DPM1: variants seen among roughly 807,000 people sequenced by gnomAD.
The protein encoded by DPM1 is dolichyl-phosphate mannosyltransferase subunit 1, catalytic.
Under a neutral mutation model 39.0 loss-of-function variants are expected in DPM1, and 27 were observed. That is an observed-to-expected ratio of 0.69 (90% confidence interval 0.51 to 0.95). The LOEUF is 0.95. Ranked by LOEUF, DPM1 falls within the 40% of genes least tolerant of loss-of-function variation. DPM1 has a pLI of 0.00. For synonymous variants in DPM1, 124 were observed against 109.0 expected, an observed-to-expected ratio of 1.14 and a Z score of -0.86; for missense variants, 307 against 315.6, an observed-to-expected ratio of 0.97 and a Z score of 0.21.
intron 7 of DPM1, among the ~76,000 whole-genome samples, chr20:50,939,048 T>A (rs1403711289): frequency 6.6e-6 from 1 of 152,180 alleles, no homozygotes. Context: ...CTCTGTCATT[T>A]ATACAGAACA....
chr20:50,957,666 T>C (rs1350041488), intron 1 of DPM1, among the ~76,000 whole-genome samples: 1 of 152,244 alleles, frequency 6.6e-6, no homozygotes, highest in Admixed American at 6.5e-5. Context: ...ATTTGCTATG[T>C]TTGTACATGT....
intron 2 of DPM1, 148 bp downstream of exon 2, chr20:50,955,038 C>T (rs1383936530): frequency 4.3e-6 from 3 of 694,312 alleles, no homozygotes; most frequent in East Asian, 2.8e-5. Flanking sequence ...TTACGGACAA[C>T]AAAAATGCAT....
At chr20:50,938,452 G>A (rs1239260175) in intron 7 of DPM1, among the ~76,000 whole-genome samples, 2 of 150,406 alleles carry the variant, frequency 1.3e-5, no homozygotes, top group African/African-American at 4.9e-5. Flanking sequence ...GTGCAATCTC[G>A]GCTCACTGCA....
intron 8 of DPM1, 118 bp from the exon 9 acceptor site, chr20:50,935,354 G>GT: frequency 1.4e-6 from 1 of 700,632 alleles, no homozygotes; most frequent in Non-Finnish European, 2.6e-6. Flanking sequence ...GGTCCTTAAA[G>GT]TAAGTATAAA....
chr20:50,948,065 C>A (rs1326757372), intron 3 of DPM1, among the ~76,000 whole-genome samples: 1 of 152,186 alleles, frequency 6.6e-6, no homozygotes, highest in African/African-American at 2.4e-5. Context: ...ACTACATATT[C>A]CAGATTCTCT....
At chr20:50,951,801 AAT>A (rs1323896031) in intron 2 of DPM1, among the ~76,000 whole-genome samples, 6 of 146,658 alleles carry the variant, frequency 4.1e-5, no homozygotes, top group African/African-American at 1.4e-4. Context: ...AAAAAAAATA[AAT>A]AAATAAATAA....
At position 50,948,624 on chromosome 20, in the gene DPM1, C is replaced by T; in HGVS notation, c.295+5G>A. ...GTGTGAGGGGTTAGAGATTACACGA[C>T]TTACCTAGTCCCAACTTTTTCTCTC... On this transcript the variant is annotated splice_donor_5th_base_variant and intron_variant, in intron 3 of 8. Transcript: ENST00000371588. 1 of 1,613,896 alleles carries T rather than the reference C, an allele frequency of 6.2e-7. No individual in the cohort carries two copies.
intron 6 of DPM1, among the ~76,000 whole-genome samples, chr20:50,941,717 G>T (rs930806153): frequency 6.6e-6 from 1 of 151,988 alleles, no homozygotes; most frequent in Non-Finnish European, 1.5e-5. Context: ...ATAATTATGG[G>T]GAGAAACCCT....
At position 50,935,271 on chromosome 20, in the gene DPM1, A is replaced by G. The variant is rs752107965; in HGVS notation, c.679-35T>C. 2.2e-6 allele frequency: 3 copies of G among 1,351,158 alleles called. No homozygotes were observed. The Admixed American group carries it at 5.1e-5, about 23-fold the overall frequency. 83.7% of individuals were successfully genotyped at this position (1,351,158 alleles called of 1,614,324 possible). On this transcript the variant is annotated intron_variant, in intron 8 of 8. Coordinates refer to ENST00000371588, the MANE Select transcript of DPM1 (RefSeq NM_003859.3). Reference sequence around the variant, plus strand: ...AAAAAAAAAAGTAACGTTAGTCTTTAAAAACAATTAGGCAGCTTAGCCGGT... The same window carrying G: ...AAAAAAAAAAGTAACGTTAGTCTTTGAAAACAATTAGGCAGCTTAGCCGGT...
At chr20:50,942,232 G>C in intron 5 of DPM1, 106 bp from the exon 6 acceptor site, 1 of 1,013,980 alleles carries the variant, frequency 9.9e-7, no homozygotes, top group African/African-American at 1.6e-5. Flanking sequence ...CACAGGCTGG[G>C]TGCAGTGGCT....
At chr20:50,946,413 G>A (rs572326917) in intron 3 of DPM1, among the ~76,000 whole-genome samples, 6 of 152,258 alleles carry the variant, frequency 3.9e-5, no homozygotes, top group Admixed American at 3.9e-4. Flanking sequence ...CACCTCTCCA[G>A]GAAAGGCACC....
At chr20:50,958,212 C>T (rs1379983689) in intron 1 of DPM1, 151 bp downstream of exon 1, 1 of 1,005,602 alleles carries the variant, frequency 9.9e-7, no homozygotes, top group Non-Finnish European at 1.5e-6. Flanking sequence ...GCATCCGCCT[C>T]TGCTTCCCTC....
intron 3 of DPM1, among the ~76,000 whole-genome samples, chr20:50,948,293 T>C (rs1348523735): frequency 1.3e-5 from 2 of 152,140 alleles, no homozygotes; most frequent in East Asian, 3.9e-4. Context: ...CTTCCTGCCG[T>C]TGCTCCATCC....
At chr20:50,935,307 A>G (rs1985055595) in intron 8 of DPM1, 71 bp from the exon 9 acceptor site, 1 of 898,680 alleles carries the variant, frequency 1.1e-6, no homozygotes, top group Non-Finnish European at 1.9e-6. Context: ...ATACCACATT[A>G]CCAACACAAC....
chr20:50,936,701 A>C (rs1250119075), intron 7 of DPM1, among the ~76,000 whole-genome samples: 1 of 152,226 alleles, frequency 6.6e-6, no homozygotes, highest in African/African-American at 2.4e-5. Flanking sequence ...CATAATTCAC[A>C]GTCATTTTCC....
chr20:50,953,747 TTA>T (rs1254698662), intron 2 of DPM1, among the ~76,000 whole-genome samples: 3 of 152,196 alleles, frequency 2.0e-5, no homozygotes, highest in Admixed American at 2.0e-4. Flanking sequence ...GGCTGAGGTT[TTA>T]TGACAAAAGT....
intron 6 of DPM1, chr20:50,941,254 ATATATATATAAAT>A (rs1568762542): frequency 1.2e-5 from 2 of 172,104 alleles, no homozygotes; most frequent in African/African-American, 2.8e-5. Flanking sequence ...ATATATATAT[ATATATATATAAAT>A]AAAATACATT....
At chr20:50,936,820 C>T (rs1179563990) in intron 7 of DPM1, among the ~76,000 whole-genome samples, 3 of 152,146 alleles carry the variant, frequency 2.0e-5, no homozygotes, top group East Asian at 1.9e-4. Context: ...AAAACAGGAA[C>T]GAGGCATCAC....
intron 1 of DPM1, among the ~76,000 whole-genome samples, chr20:50,957,085 C>A (rs1412839692): frequency 2.0e-5 from 3 of 151,754 alleles, no homozygotes; most frequent in African/African-American, 7.3e-5. Flanking sequence ...TAGTTACTTT[C>A]TTTAATTTAG....
Sources: gnomAD v4.1 joint callset for allele counts (sites outside exome capture counted in the v4.1 genomes callset) on GRCh38, gnomAD v4.1.1 for gene constraint, MANE v1.5 for transcripts, NCBI Gene and HGNC (gene_info 2026-07-23, HGNC 2026-07-21) for gene names.